FOXP1: variants seen among roughly 807,000 people sequenced by gnomAD.
FOXP1 encodes the protein forkhead box protein P1.
In FOXP1, 15 loss-of-function variants were observed where a neutral mutation model predicts 98.2. The ratio of observed to expected loss-of-function variants is 0.15; its 90% CI spans 0.10 to 0.24. The LOEUF (loss-of-function observed/expected upper bound fraction) is 0.24, where lower values mean the gene tolerates loss of function less well. FOXP1 is among the 10% of genes least tolerant of loss of function. FOXP1 has a pLI of 1.00. For missense variants in FOXP1, 633 were observed against 848.5 expected, an observed-to-expected ratio of 0.75 and a Z score of 3.15; for synonymous variants, 371 against 314.5, an observed-to-expected ratio of 1.18 and a Z score of -1.90.
At chr3:71,045,000 C>A (rs1179333167) in intron 10 of FOXP1, among the ~76,000 whole-genome samples, 1 of 152,156 alleles carries the variant, frequency 6.6e-6, no homozygotes, top group Non-Finnish European at 1.5e-5. Flanking sequence ...TGACTGAATT[C>A]TCTAGCCACT....
intron 5 of FOXP1, among the ~76,000 whole-genome samples, chr3:71,222,203 A>T (rs2065451248): frequency 6.6e-6 from 1 of 152,042 alleles, no homozygotes; most frequent in African/African-American, 2.4e-5. Flanking sequence ...ACCCAGATCC[A>T]TGAGAGGGGC....
At chr3:71,385,134 A>G (rs1405245935) in intron 3 of FOXP1, among the ~76,000 whole-genome samples, 1 of 152,072 alleles carries the variant, frequency 6.6e-6, no homozygotes, top group Non-Finnish European at 1.5e-5. Flanking sequence ...CCTAACTGCA[A>G]TCCTTCATTG....
intron 7 of FOXP1, among the ~76,000 whole-genome samples, chr3:71,111,613 C>T (rs147314447): frequency 0.015 from 2,312 of 152,126 alleles, 59 homozygotes; most frequent in Admixed American, 0.069. Flanking sequence ...TGGCCAGCCT[C>T]GTCTCGAACT....
chr3:71,305,155 C>T (rs2074171505), intron 4 of FOXP1, among the ~76,000 whole-genome samples: 1 of 152,036 alleles, frequency 6.6e-6, no homozygotes, highest in Non-Finnish European at 1.5e-5. Flanking sequence ...TGGATTAGCC[C>T]CTGAATATGG....
chr3:71,526,967 C>CAAA (rs34141810), intron 2 of FOXP1, among the ~76,000 whole-genome samples: 2 of 62,308 alleles, frequency 3.2e-5, no homozygotes, highest in African/African-American at 6.0e-5. Context: ...AACTCCAACT[C>CAAA]AAAAAAAAAA....
At chr3:71,412,339 G>C (rs546904917) in intron 3 of FOXP1, among the ~76,000 whole-genome samples, 3 of 152,300 alleles carry the variant, frequency 2.0e-5, no homozygotes, top group East Asian at 3.9e-4. Flanking sequence ...GGGGTTTATA[G>C]GGTGGGGTGA....
chr3:71,062,625 T>C (rs2051690557), intron 7 of FOXP1, among the ~76,000 whole-genome samples: 1 of 152,232 alleles, frequency 6.6e-6, no homozygotes, highest in South Asian at 2.1e-4. Context: ...ATAAAATGTT[T>C]AATAACACAA....
At chr3:70,997,326 TG>T in intron 13 of FOXP1, among the ~76,000 whole-genome samples, 1 of 152,332 alleles carries the variant, frequency 6.6e-6, no homozygotes, top group South Asian at 2.1e-4. Flanking sequence ...TTCTAGACAC[TG>T]GTATGTTAAG....
intron 14 of FOXP1, among the ~76,000 whole-genome samples, chr3:70,980,439 C>T (rs1451674621): frequency 6.6e-6 from 1 of 152,164 alleles, no homozygotes; most frequent in Non-Finnish European, 1.5e-5. Context: ...GTGTGGTCTC[C>T]TTCAATTCTC....
chr3:71,003,506 GACA>G (rs1309960559), intron 12 of FOXP1, among the ~76,000 whole-genome samples: 1 of 151,900 alleles, frequency 6.6e-6, no homozygotes, highest in Non-Finnish European at 1.5e-5. Context: ...GAAGGCAAAG[GACA>G]ACAAGAATAA....
At chr3:71,130,723 G>A in intron 6 of FOXP1, 1 of 1,512,190 alleles carries the variant, frequency 6.6e-7, no homozygotes, top group Non-Finnish European at 8.8e-7. Context: ...TGCCTCCACA[G>A]TAGCTGGCTG....
chr3:71,357,166 G>A (rs2078219544), intron 4 of FOXP1, among the ~76,000 whole-genome samples: 1 of 152,172 alleles, frequency 6.6e-6, no homozygotes, highest in Non-Finnish European at 1.5e-5. Context: ...GGGTGTGAGT[G>A]CGTGCCACTA....
At chr3:71,583,465 C>CT (rs1195207970) in intron 1 of FOXP1, 106 bp downstream of exon 1, 54,764 of 648,904 alleles carry the variant, frequency 0.084, 44 homozygotes, top group Non-Finnish European at 0.09. Flanking sequence ...TTCTTTCTTT[C>CT]TTTTTTTTTT....
At chr3:71,126,814 ACT>A in intron 6 of FOXP1, among the ~76,000 whole-genome samples, 1 of 149,018 alleles carries the variant, frequency 6.7e-6, no homozygotes, top group African/African-American at 2.5e-5. Flanking sequence ...ACAGAGCAAG[ACT>A]CTGTCTCAAA....
intron 6 of FOXP1, among the ~76,000 whole-genome samples, chr3:71,151,209 T>C (rs1187744049): frequency 6.6e-6 from 1 of 152,184 alleles, no homozygotes; most frequent in Admixed American, 6.5e-5. Context: ...TTTGAGAGAT[T>C]AATATAGCCA....
intron 3 of FOXP1, among the ~76,000 whole-genome samples, chr3:71,482,138 A>G (rs968015680): frequency 6.6e-6 from 1 of 152,134 alleles, no homozygotes; most frequent in Non-Finnish European, 1.5e-5. Context: ...ATGATAAATT[A>G]AGGAACATTT....
intron 3 of FOXP1, among the ~76,000 whole-genome samples, chr3:71,411,472 G>A (rs2082738804): frequency 6.6e-6 from 1 of 152,036 alleles, no homozygotes; most frequent in Non-Finnish European, 1.5e-5. Context: ...ACAGGCATCC[G>A]CCACCATGCC....
At chr3:71,361,446 CT>C in intron 3 of FOXP1, among the ~76,000 whole-genome samples, 1 of 152,312 alleles carries the variant, frequency 6.6e-6, no homozygotes, top group East Asian at 1.9e-4. Flanking sequence ...AATTGGAAAA[CT>C]TTTCTCCCCT....
At chr3:71,239,394 A>C (rs1263953463) in intron 5 of FOXP1, among the ~76,000 whole-genome samples, 1 of 151,934 alleles carries the variant, frequency 6.6e-6, no homozygotes, top group Non-Finnish European at 1.5e-5. Flanking sequence ...AATACAAAAA[A>C]TTTGCCAGGT....
Sources: allele counts gnomAD v4.1 joint callset (sites outside exome capture counted in the v4.1 genomes callset), GRCh38; gene constraint gnomAD v4.1.1; transcripts MANE v1.5; gene names NCBI Gene and HGNC (gene_info 2026-07-23, HGNC 2026-07-21).